Variants in CAND1 observed in about 807,000 individuals in gnomAD.
CAND1 encodes the protein cullin-associated NEDD8-dissociated protein 1.
CAND1 carries 7 observed loss-of-function variants against 108.5 expected under a neutral mutation model. The observed-to-expected ratio is 0.06, with a 90% CI of 0.04 to 0.12. The LOEUF (loss-of-function observed/expected upper bound fraction) is 0.12. Among genes scored for constraint, CAND1 ranks in the 10% least tolerant of loss-of-function variants. CAND1 has a pLI of 1.00. For missense variants in CAND1, 941 were observed against 1,448.7 expected, an observed-to-expected ratio of 0.65 and a Z score of 5.69; for synonymous variants, 534 against 512.0, an observed-to-expected ratio of 1.04 and a Z score of -0.58.
chr12:67,305,158 C>T lies in CAND1; in HGVS notation c.1490C>T (p.Ala497Val). The change falls in exon 10 of 15, where the codon GCT becomes GTT. Residue 497 changes from alanine (A) to valine (V), a missense_variant. Ala to Val is a moderately conservative substitution (Grantham distance 64, BLOSUM62 0). This residue lies in a region of CAND1 where 697 missense variants were observed against 942.0 expected (regional missense o/e 0.74). Coordinates refer to ENST00000545606, the MANE Select transcript of CAND1 (RefSeq NM_018448.5). This position sits in a 1 kb window ranked among gnomAD's most constrained non-coding sequence, Gnocchi z 4.4. ...KSSSSNLKIDALSCLYVILCN... is the reference protein window; with the variant it reads ...KSSSSNLKIDVLSCLYVILCN... ...AGCTCATCGAATTTGAAGATCGATG[C>T]TTTGTCATGTCTATACGTAATCCTC... 6.2e-7 allele frequency: 1 copy of T among 1,612,778 alleles called. No homozygotes were observed. Among genetic ancestry groups the T allele is most frequent in the South Asian group, 1.1e-5 (1 of 90,518 alleles).
At chr12:67,296,302 A>C (rs181552259) in intron 4 of CAND1, among the ~76,000 whole-genome samples, 117 of 152,272 alleles carry the variant, frequency 7.7e-4, no homozygotes, top group Non-Finnish European at 1.5e-3. Context: ...CAACAGGAAC[A>C]ATGAAACTAT....
Position 67,312,749 on chromosome 12 carries a change from T to C in CAND1, c.3612T>C (p.Ser1204=). 3.1e-6 allele frequency: 5 copies of C among 1,613,912 alleles called. No individual in the cohort carries two copies. The highest frequency in any genetic ancestry group is 4.2e-6 in the Non-Finnish European group (5 of 1,179,864). ...LMSEFQSQIS[S]NPELAAIFES... ...GTGAATTCCAGTCACAGATCAGTTCTAACCCTGAGCTGGCGGCTATCTTTG... is the reference window on the plus strand; with the variant it reads ...GTGAATTCCAGTCACAGATCAGTTCCAACCCTGAGCTGGCGGCTATCTTTG... Residue 1204 remains serine (S), a synonymous_variant, in exon 15 of 15, where the codon TCT becomes TCC. Coordinates refer to ENST00000545606, the MANE Select transcript of CAND1 (RefSeq NM_018448.5).
Position 67,306,323 on chromosome 12 carries a change from G to A in CAND1, c.2655G>A (p.Val885=), listed in dbSNP as rs1565728660. Reference sequence around the variant, plus strand: ...CCTATGCATTAGGCAGCATTAGTGTGGGCAACCTTCCTGAATATCTGCCGT... The same window carrying A: ...CCTATGCATTAGGCAGCATTAGTGTAGGCAACCTTCCTGAATATCTGCCGT... ...AASYALGSIS[V]GNLPEYLPFV... Residue 885 remains valine, a synonymous_variant, in exon 10 of 15, where the codon GTG becomes GTA. Transcript: ENST00000545606. The A allele has an allele frequency of 6.2e-7, 1 of 1,614,100 alleles. No individual in the cohort carries two copies. Among genetic ancestry groups the A allele is most frequent in the East Asian group, 2.2e-5 (1 of 44,882 alleles).
chr12:67,286,576 G>A lies in CAND1; in HGVS notation c.212+4523G>A, dbSNP rs377630189. Among the ~76,000 whole-genome samples the A allele has an allele frequency of 4.1e-5, 4 of 96,946 alleles. No homozygotes were observed. The South Asian group carries it at 1.3e-3, about 31-fold the overall frequency. 63.6% of individuals were successfully genotyped at this position (96,946 alleles called of 152,430 possible). A position where few individuals can be genotyped will look rare whatever the true frequency, so the allele number is the denominator to read the frequency against. ...GTTTTTTGGCCATTTTTTTTTTTTTGTGCATGGACTTTTTATTATCAAGTT... is the reference window on the plus strand; with the variant it reads ...GTTTTTTGGCCATTTTTTTTTTTTTATGCATGGACTTTTTATTATCAAGTT... On this transcript the variant is annotated intron_variant, in intron 2 of 14. Transcript: ENST00000545606.
At chr12:67,273,318 T>C (rs1428714550) in intron 1 of CAND1, among the ~76,000 whole-genome samples, 1 of 152,090 alleles carries the variant, frequency 6.6e-6, no homozygotes, top group Admixed American at 6.6e-5. Flanking sequence ...TAGGGATGCA[T>C]GTTCCATAAA....
rs189068086 is a variant in CAND1, at chr12:67,310,363, G to A, written c.3360+47G>A. On this transcript the variant is annotated intron_variant, in intron 13 of 14. Coordinates refer to ENST00000545606, the MANE Select transcript of CAND1 (RefSeq NM_018448.5). The stretch of plus-strand genomic sequence containing the variant: ...ATACAATGTTTTAGAAGAAGACTTT[G>A]CTAGAGCAACTTTCACCCTTGTAAT... 3.6e-5 allele frequency: 50 copies of A among 1,385,126 alleles called. No homozygotes were observed. In the South Asian group the frequency reaches 6.4e-4, roughly 18 times the overall value. The allele number at this position is 1,385,126 out of a possible 1,614,324, so 85.8% of individuals were successfully genotyped here. A position where few individuals can be genotyped will look rare whatever the true frequency, so the allele number is the denominator to read the frequency against.
chr12:67,270,118 T>G, intron 1 of CAND1: 3 of 274,316 alleles, frequency 1.1e-5, no homozygotes, highest in Non-Finnish European at 6.9e-6. Flanking sequence ...CCACCCACCA[T>G]TGTGGAGAAG....
intron 2 of CAND1, among the ~76,000 whole-genome samples, chr12:67,291,602 A>ATATC (rs1460989320): frequency 6.6e-6 from 1 of 152,198 alleles, no homozygotes; most frequent in Non-Finnish European, 1.5e-5. Flanking sequence ...TGTTTCATAT[A>ATATC]TATCTCTTAT....
At position 67,305,894 on chromosome 12, in the gene CAND1, G is replaced by A. The variant is rs767527201; in HGVS notation, c.2226G>A (p.Val742=). 5.0e-6 allele frequency: 8 copies of A among 1,614,092 alleles called. 1 individual carries two copies. In the South Asian group the frequency reaches 5.5e-5, roughly 11 times the overall value. The part of the protein sequence containing the change: ...GSILNELIGL[V]RSPLLQGGAL... The stretch of plus-strand genomic sequence containing the variant: ...TTCTCAATGAACTTATTGGACTTGT[G>A]AGATCACCCTTATTGCAGGGGGGAG... Residue 742 remains valine (V), a synonymous_variant, in exon 10 of 15, where the codon GTG becomes GTA. Transcript: ENST00000545606. The surrounding 1 kb of genome is among the most constrained non-coding windows in gnomAD (Gnocchi z 4.4).
In CAND1 at chr12:67,314,707, G is replaced by A. The variant is rs929006852; in HGVS notation, c.*1877G>A. ...CTTCAACTGGCTTTTTCTTCAGTTT[G>A]TTTGTTTTTAACTTTCAAGATGCAT... On this transcript the variant is annotated 3_prime_UTR_variant, in exon 15 of 15. Coordinates refer to ENST00000545606, the MANE Select transcript of CAND1 (RefSeq NM_018448.5). 1.3e-5 allele frequency: 2 copies of A among 152,080 alleles called. No homozygotes were observed. Among genetic ancestry groups the A allele is most frequent in the Non-Finnish European group, 2.9e-5 (2 of 67,982 alleles). The allele number at this position is 152,080 out of a possible 1,614,324, so 9.4% of individuals were successfully genotyped here.
intron 14 of CAND1, 90 bp from the exon 15 acceptor site, chr12:67,312,516 C>G (rs1364466810): frequency 1.3e-6 from 1 of 751,208 alleles, no homozygotes; most frequent in African/African-American, 1.8e-5. Context: ...ACGAGAGTAG[C>G]TTTTAGCAGG....
rs2044881256 is a variant in CAND1 at position 67,306,110 on chromosome 12, A to G, written c.2442A>G (p.Gly814=). 6.2e-7 allele frequency: 1 copy of G among 1,614,156 alleles called. No individual in the cohort carries two copies. The highest frequency in any genetic ancestry group is 8.5e-7 in the Non-Finnish European group (1 of 1,180,008). ...TTACTCGAGCATGCCCTAAAGAGGG[A>G]CCAGCTGTAGTAGGTCAGTTTATTC... ...AALTRACPKE[G]PAVVGQFIQD... Residue 814 remains glycine (G), a synonymous_variant, in exon 10 of 15, where the codon GGA becomes GGG. Coordinates refer to ENST00000545606, the MANE Select transcript of CAND1 (RefSeq NM_018448.5).
In CAND1 at chr12:67,314,707, G is replaced by GTTTGTTTT. The variant is rs2044990696; in HGVS notation, c.*1879_*1886dup. ...CTTCAACTGGCTTTTTCTTCAGTTT[G>GTTTGTTTT]TTTGTTTTTAACTTTCAAGATGCAT... On this transcript the variant is annotated 3_prime_UTR_variant, in exon 15 of 15. Coordinates refer to ENST00000545606, the MANE Select transcript of CAND1 (RefSeq NM_018448.5). The GTTTGTTTT allele has an allele frequency of 6.6e-6, 1 of 152,080 alleles. No homozygotes were observed. Among genetic ancestry groups the GTTTGTTTT allele is most frequent in the Admixed American group, 6.6e-5 (1 of 15,264 alleles). 9.4% of individuals were successfully genotyped at this position (152,080 alleles called of 1,614,324 possible).
chr12:67,298,901 C>A, intron 6 of CAND1, 49 bp from the exon 7 acceptor site: 1 of 1,111,176 alleles, frequency 9.0e-7, no homozygotes, highest in Non-Finnish European at 1.4e-6. Context: ...GGTAATGAAT[C>A]AAGGAGTAAA....
In CAND1 at chr12:67,299,106, T is replaced by C; in HGVS notation, c.1000+11T>C. 1 of 1,511,606 alleles carries C rather than the reference T, an allele frequency of 6.6e-7. No individual in the cohort carries two copies. The highest frequency in any genetic ancestry group is 1.2e-5 in the South Asian group (1 of 80,730). The allele number at this position is 1,511,606 out of a possible 1,614,324, so 93.6% of individuals were successfully genotyped here. ...ATGATGATGATCAAGGTATTGCAAATTAAATAGAATCTTTTGAGTTTTTGT... is the reference window on the plus strand; with the variant it reads ...ATGATGATGATCAAGGTATTGCAAACTAAATAGAATCTTTTGAGTTTTTGT... On this transcript the variant is annotated intron_variant, in intron 7 of 14. Transcript: ENST00000545606.
In CAND1 at chr12:67,305,833, T is replaced by C. The variant is rs773195151; in HGVS notation, c.2165T>C (p.Val722Ala). 6.2e-7 allele frequency: 1 copy of C among 1,614,210 alleles called. No individual in the cohort carries two copies. The highest frequency in any genetic ancestry group is 8.5e-7 in the Non-Finnish European group (1 of 1,180,026). The change falls in exon 10 of 15, where the codon GTA becomes GCA. Residue 722 changes from valine to alanine, a missense_variant. Transcript: ENST00000545606. The surrounding 1 kb of genome is among the most constrained non-coding windows in gnomAD (Gnocchi z 4.4). Reference sequence around the variant, plus strand: ...AGTTTTCTTACCACTTTGGCAAAAGTATATCCCTCCTCCCTTTCAAAGATA... The same window carrying C: ...AGTTTTCTTACCACTTTGGCAAAAGCATATCCCTCCTCCCTTTCAAAGATA... ...AISFLTTLAK[V>A]YPSSLSKISG...
chr12:67,307,559 T>A, intron 11 of CAND1, 67 bp downstream of exon 11: 1 of 944,840 alleles, frequency 1.1e-6, no homozygotes, highest in Admixed American at 2.1e-5. Flanking sequence ...CTCTTGAACT[T>A]AGTAACTAGA....
intron 2 of CAND1, among the ~76,000 whole-genome samples, chr12:67,289,825 G>A (rs1002306854): frequency 6.6e-6 from 1 of 151,826 alleles, no homozygotes; most frequent in African/African-American, 2.4e-5. Context: ...TAACCTTTCA[G>A]TTTTTTTTAT....
chr12:67,295,067 T>C lies in CAND1; in HGVS notation c.402T>C (p.Ile134=), dbSNP rs746404199. 16 of 1,612,998 alleles carry C rather than the reference T, an allele frequency of 9.9e-6. No homozygotes were observed. Among genetic ancestry groups the C allele is most frequent in the Non-Finnish European group, 1.3e-5 (15 of 1,179,296 alleles). Reference sequence around the variant, plus strand: ...TAGCTGCTAATGTATGTAAAAAGATTACTGGACGTCTTACAAGTGCAATAG... The same window carrying C: ...TAGCTGCTAATGTATGTAAAAAGATCACTGGACGTCTTACAAGTGCAATAG... ...SALAANVCKK[I]TGRLTSAIAK... Residue 134 remains isoleucine, a synonymous_variant, in exon 4 of 15, where the codon ATT becomes ATC. Coordinates refer to ENST00000545606, the MANE Select transcript of CAND1 (RefSeq NM_018448.5).
Sources: allele counts gnomAD v4.1 joint callset (sites outside exome capture counted in the v4.1 genomes callset), GRCh38; gene constraint gnomAD v4.1.1; regional missense constraint gnomAD v4.1.1; non-coding constraint Gnocchi (gnomAD v3.1); transcripts MANE v1.5; gene names NCBI Gene and HGNC (gene_info 2026-07-23, HGNC 2026-07-21).